The following EPHB2 variants were observed in gnomAD, a reference collection of about 807,000 sequenced individuals.
The protein encoded by EPHB2 is EPH receptor B2, also known as ephrin type-B receptor 2.
In EPHB2, 18 loss-of-function variants were observed where a neutral mutation model predicts 96.4. That is an observed-to-expected ratio of 0.19 (90% CI 0.13 to 0.28). The LOEUF is 0.28. Among genes scored for constraint, EPHB2 ranks in the 10% least tolerant of loss-of-function variants. The pLI, the probability that EPHB2 is intolerant of heterozygous loss-of-function variation, is 1.00. For synonymous variants in EPHB2, 506 were observed against 534.1 expected (o/e 0.95, Z 0.72); for missense variants, 989 against 1,355.4 (o/e 0.73, Z 4.25).
intron 1 of EPHB2, among the ~76,000 whole-genome samples, chr1:22,740,695 C>T (rs1256510442): frequency 1.3e-5 from 2 of 152,202 alleles, no homozygotes; most frequent in East Asian, 3.9e-4. Context: ...AACCTCCCTG[C>T]CTTTACTCCC....
chr1:22,784,490 C>T lies in EPHB2; in HGVS notation c.225C>T (p.Thr75=). 6.2e-7 allele frequency: 1 copy of T among 1,613,864 alleles called. No individual in the cohort carries two copies. The highest frequency in any genetic ancestry group is 8.5e-7 in the Non-Finnish European group (1 of 1,179,714). Residue 75 remains threonine (T), a synonymous_variant, in exon 3 of 16, where the codon ACC becomes ACT. Transcript: ENST00000374630. The surrounding 1 kb of genome is among the most constrained non-coding windows in gnomAD (Gnocchi z 5.1). ...CAAGCCAGAACAACTGGCTACGGACCAAGTTTATCCGGCGCCGTGGCGCCC... is the reference window on the plus strand; with the variant it reads ...CAAGCCAGAACAACTGGCTACGGACTAAGTTTATCCGGCGCCGTGGCGCCC... ...FESSQNNWLR[T]KFIRRRGAHR...
chr1:22,868,521 A>G (rs1222727906), intron 5 of EPHB2, among the ~76,000 whole-genome samples: 1 of 152,172 alleles, frequency 6.6e-6, no homozygotes. Context: ...AATCTTGGCC[A>G]TGCTCTCTGT....
intron 1 of EPHB2, among the ~76,000 whole-genome samples, chr1:22,729,917 A>G (rs1643668928): frequency 6.6e-6 from 1 of 152,208 alleles, no homozygotes; most frequent in African/African-American, 2.4e-5. Flanking sequence ...GAATGAATGA[A>G]TGAATGCACG....
intron 1 of EPHB2, among the ~76,000 whole-genome samples, chr1:22,719,362 C>G (rs1041587598): frequency 2.0e-5 from 3 of 152,174 alleles, no homozygotes; most frequent in African/African-American, 7.2e-5. Flanking sequence ...CTATCCAGTT[C>G]AAATTCTTAG....
intron 1 of EPHB2, among the ~76,000 whole-genome samples, chr1:22,744,212 A>T (rs1643938366): frequency 6.6e-6 from 1 of 151,956 alleles, no homozygotes; most frequent in African/African-American, 2.4e-5. Flanking sequence ...GCTGTTTCTA[A>T]TAAAATTGAG....
chr1:22,793,879 C>T (rs772908842), intron 3 of EPHB2, among the ~76,000 whole-genome samples: 1 of 152,114 alleles, frequency 6.6e-6, no homozygotes, highest in East Asian at 1.9e-4. Context: ...GAATTTGAAC[C>T]TGGCTTTCTG....
At chr1:22,836,360 C>T (rs1332028051) in intron 3 of EPHB2, among the ~76,000 whole-genome samples, 1 of 152,200 alleles carries the variant, frequency 6.6e-6, no homozygotes, top group Non-Finnish European at 1.5e-5. Context: ...TTCACTTGTC[C>T]CCATCTTCCC....
In EPHB2 at chr1:22,799,053, C is replaced by A. The variant is rs1644805959; in HGVS notation, c.811+13977C>A. On this transcript the variant is annotated intron_variant, in intron 3 of 15. Coordinates refer to ENST00000374630, the MANE Select transcript of EPHB2 (RefSeq NM_017449.5). ...GCGTGTGTCACGGCACTGTTTTAAC[C>A]AGCCAGGGTGCATTGATTGAATAGT... is the stretch of plus-strand genomic sequence containing the variant. Among the ~76,000 whole-genome samples, 3 of 152,126 alleles carry A rather than the reference C, an allele frequency of 2.0e-5. 1 individual carries two copies. In the South Asian group the frequency reaches 6.2e-4, roughly 31 times the overall value.
At chr1:22,830,134 T>C (rs1261606366) in intron 3 of EPHB2, among the ~76,000 whole-genome samples, 1 of 152,216 alleles carries the variant, frequency 6.6e-6, no homozygotes, top group Non-Finnish European at 1.5e-5. Context: ...TTCCCAGGAC[T>C]GGTGGGCCAA....
At chr1:22,879,300 G>A (rs1638952125) in intron 5 of EPHB2, among the ~76,000 whole-genome samples, 1 of 152,216 alleles carries the variant, frequency 6.6e-6, no homozygotes, top group Non-Finnish European at 1.5e-5. Context: ...GTGCTTCCCG[G>A]GCCAGCACAA....
At position 22,875,479 on chromosome 1, in the gene EPHB2, C is replaced by T. The variant is rs187126482; in HGVS notation, c.1304-6880C>T. ...CCTGGGGGAGAGGGAAACTGCCTTC[C>T]GCTGGCTGCTTGGGAAGTACTGCCT... On this transcript the variant is annotated intron_variant, in intron 5 of 15. Transcript: ENST00000374630. This position sits in a 1 kb window ranked among gnomAD's most constrained non-coding sequence, Gnocchi z 4.2. Among the ~76,000 whole-genome samples, 520 of 152,270 alleles carry T rather than the reference C, an allele frequency of 3.4e-3. 12 individuals are homozygous for T. The highest frequency in any genetic ancestry group is 1.2e-3 in the Non-Finnish European group (80 of 68,020).
chr1:22,769,913 C>T (rs1644355686), intron 1 of EPHB2, among the ~76,000 whole-genome samples: 1 of 151,994 alleles, frequency 6.6e-6, no homozygotes, highest in Admixed American at 6.6e-5. Flanking sequence ...AGGGAAAAAA[C>T]CGAAGTGGGA....
intron 1 of EPHB2, among the ~76,000 whole-genome samples, chr1:22,779,713 C>G (rs1339361036): frequency 6.6e-6 from 1 of 152,194 alleles, no homozygotes; most frequent in Non-Finnish European, 1.5e-5. Flanking sequence ...TCTTTGGAAG[C>G]CCCTTCCCAT....
At chr1:22,887,426 C>T (rs1639261225) in intron 6 of EPHB2, among the ~76,000 whole-genome samples, 1 of 152,132 alleles carries the variant, frequency 6.6e-6, no homozygotes. Context: ...AGATACTGAG[C>T]CCTGCAGGCC....
At position 22,913,481 on chromosome 1, in the gene EPHB2, G is replaced by T; in HGVS notation, c.2872G>T (p.Val958Phe). 1 of 1,614,184 alleles carries T rather than the reference G, an allele frequency of 6.2e-7. No individual in the cohort carries two copies. Among genetic ancestry groups the T allele is most frequent in the Non-Finnish European group, 8.5e-7 (1 of 1,180,046 alleles). Residue 958 changes from valine (V) to phenylalanine (F), a missense_variant, in exon 16 of 16, where the codon GTC (valine) becomes TTC (phenylalanine). Physicochemically the swap from Val to Phe is conservative, Grantham distance 50. Transcript: ENST00000374630. This position sits in a 1 kb window ranked among gnomAD's most constrained non-coding sequence, Gnocchi z 4.1. ...MMMEDILRVG[V>F]TLAGHQKKIL... ...CCAAAGGGACATTCTCCGGGTTGGG[G>T]TCACTTTGGCTGGCCACCAGAAAAA...
chr1:22,777,412 C>G (rs1374250593), intron 1 of EPHB2, among the ~76,000 whole-genome samples: 1 of 152,136 alleles, frequency 6.6e-6, no homozygotes, highest in East Asian at 1.9e-4. Context: ...AGGGTCTCAG[C>G]AGACGTGAGT....
chr1:22,758,954 TGATGGATGGATG>T (rs933915030), intron 1 of EPHB2, among the ~76,000 whole-genome samples: 6 of 149,830 alleles, frequency 4.0e-5, no homozygotes, highest in Non-Finnish European at 7.4e-5. Flanking sequence ...GATGGATGGA[TGATGGATGGATG>T]GATGGATGGA....
intron 3 of EPHB2, among the ~76,000 whole-genome samples, chr1:22,842,930 G>GC (rs1645490606): frequency 6.6e-6 from 1 of 151,792 alleles, no homozygotes; most frequent in Admixed American, 6.6e-5. Context: ...AGCCAAAGCA[G>GC]CCCCCCAGCA....
intron 3 of EPHB2, among the ~76,000 whole-genome samples, chr1:22,822,957 G>A (rs1451773902): frequency 2.0e-5 from 3 of 152,252 alleles, no homozygotes; most frequent in Non-Finnish European, 4.4e-5. Context: ...CCAGGAGACA[G>A]TTTGGCTGTG....
Sources: gnomAD v4.1 joint callset for allele counts (sites outside exome capture counted in the v4.1 genomes callset) on GRCh38, gnomAD v4.1.1 for gene constraint, Gnocchi (gnomAD v3.1) non-coding constraint, MANE v1.5 for transcripts, NCBI Gene and HGNC (gene_info 2026-07-23, HGNC 2026-07-21) for gene names.